ZNF529: variants seen among roughly 807,000 people sequenced by gnomAD.
ZNF529 encodes zinc finger protein 529.
In ZNF529, 11 loss-of-function variants were observed where a neutral mutation model predicts 10.1. That is an observed-to-expected ratio of 1.09 (90% confidence interval 0.69 to 1.81). The LOEUF is 1.81. ZNF529 is among the 40% of genes most tolerant of loss of function. ZNF529 has a pLI of 0.00. For missense variants in ZNF529, 624 were observed against 666.8 expected (o/e 0.94, Z 0.71); for synonymous variants, 204 against 215.7 (o/e 0.95, Z 0.47).
At chr19:36,582,283 A>G (rs878888911) in intron 2 of ZNF529, 11 of 152,320 alleles carry the variant, frequency 7.2e-5, no homozygotes, top group African/African-American at 1.9e-4. Flanking sequence ...TGTATACTCA[A>G]ATAGTTAAGA....
Position 36,546,059 on chromosome 19 carries a change from G to GTATATATATATATATATATATATATATA in ZNF529, c.*806_*807insTATATATATATATATATATATATATATA, listed in dbSNP as rs375987417. The GTATATATATATATATATATATATATATA allele has an allele frequency of 6.4e-5, 8 of 125,326 alleles. 1 individual carries two copies. The highest frequency in any genetic ancestry group is 1.4e-4 in the Non-Finnish European group (8 of 56,430). The allele number at this position is 125,326 out of a possible 1,614,324, so 7.8% of individuals were successfully genotyped here. A position where few individuals can be genotyped will look rare whatever the true frequency, so the allele number is the denominator to read the frequency against. On this transcript the variant is annotated 3_prime_UTR_variant, in exon 5 of 5. Transcript: ENST00000591340. Reference sequence around the variant, plus strand: ...ATATACATATATTGTGTGTGTGTGTGTGTATATATATATATATATATAGTG... The same window carrying GTATATATATATATATATATATATATATA: ...ATATACATATATTGTGTGTGTGTGTGTATATATATATATATATATATATATATATGTATATATATATATATATATAGTG...
intron 2 of ZNF529, among the ~76,000 whole-genome samples, chr19:36,584,001 A>T (rs916228281): frequency 5.3e-5 from 8 of 152,162 alleles, no homozygotes; most frequent in Admixed American, 3.9e-4. Context: ...AATTAAACTC[A>T]ATTTTAAGAT....
At chr19:36,561,694 A>T (rs2035703408) in intron 2 of ZNF529, among the ~76,000 whole-genome samples, 1 of 152,194 alleles carries the variant, frequency 6.6e-6, no homozygotes, top group African/African-American at 2.4e-5. Flanking sequence ...GGCCTGGGAG[A>T]GAGCCAGTGG....
chr19:36,599,012 G>A (rs952340621), intron 1 of ZNF529, among the ~76,000 whole-genome samples: 6 of 152,092 alleles, frequency 3.9e-5, no homozygotes, highest in South Asian at 4.1e-4. Context: ...GAAGTCATTC[G>A]GCTTATAAAC....
chr19:36,593,236 C>T (rs893728810), intron 1 of ZNF529, among the ~76,000 whole-genome samples: 9 of 152,254 alleles, frequency 5.9e-5, no homozygotes, highest in Middle Eastern at 3.4e-3. Context: ...AGTTCAGTGG[C>T]GTGATCACCG....
intron 1 of ZNF529, among the ~76,000 whole-genome samples, chr19:36,597,074 G>A (rs990961246): frequency 6.6e-6 from 1 of 151,994 alleles, no homozygotes; most frequent in Non-Finnish European, 1.5e-5. Context: ...GTCTCACTAT[G>A]TTGCCCAGGC....
intron 1 of ZNF529, chr19:36,604,772 T>C (rs1308157244): frequency 6.6e-6 from 1 of 152,262 alleles, no homozygotes; most frequent in Non-Finnish European, 1.5e-5. Context: ...GACACATTCA[T>C]AGTCACCGCT....
chr19:36,561,602 C>A (rs543290731), intron 2 of ZNF529, among the ~76,000 whole-genome samples: 4 of 152,112 alleles, frequency 2.6e-5, no homozygotes, highest in African/African-American at 9.7e-5. Context: ...GACAGTCCCC[C>A]CTAGGGCATT....
chr19:36,596,985 C>T (rs1369457057), intron 1 of ZNF529, among the ~76,000 whole-genome samples: 4 of 151,848 alleles, frequency 2.6e-5, no homozygotes, highest in South Asian at 2.1e-4. Context: ...GTGATCCTTC[C>T]GCCTCAGCCT....
chr19:36,592,510 C>T (rs956229561), intron 1 of ZNF529, among the ~76,000 whole-genome samples: 2 of 150,574 alleles, frequency 1.3e-5, no homozygotes, highest in East Asian at 3.9e-4. Context: ...AAGAGAATCG[C>T]TTGAACCTGG....
chr19:36,602,380 C>T (rs1480570905), intron 1 of ZNF529, among the ~76,000 whole-genome samples: 2 of 151,816 alleles, frequency 1.3e-5, no homozygotes, highest in African/African-American at 4.8e-5. Context: ...AAATCCAAAA[C>T]TTTATTTATG....
chr19:36,561,960 G>A (rs1320006845), intron 2 of ZNF529, among the ~76,000 whole-genome samples: 1 of 152,222 alleles, frequency 6.6e-6, no homozygotes, highest in African/African-American at 2.4e-5. Context: ...TCCTGGCCGG[G>A]TGCAGTGGCT....
chr19:36,547,044 G>T lies in ZNF529; in HGVS notation c.1514C>A (p.Pro505His). 1 of 1,613,956 alleles carries T rather than the reference G, an allele frequency of 6.2e-7. No individual in the cohort carries two copies. Among genetic ancestry groups the T allele is most frequent in the East Asian group, 2.2e-5 (1 of 44,858 alleles). ...EHQRIHTGEK[P>H]YECKACGKAF... ...CTTCCCACATGCCTTGCATTCATAG[G>T]GTTTTTCTCCAGTATGAATTCTCTG... The change falls in exon 5 of 5, where the codon CCC (proline) becomes CAC (histidine). Residue 505 changes from proline to histidine, a missense_variant. By Grantham distance (77) the Pro-to-His change is moderately conservative (BLOSUM62 -2). Coordinates refer to ENST00000591340, the MANE Select transcript of ZNF529 (RefSeq NM_020951.5).
rs567118907 is a variant in ZNF529, at chr19:36,548,211, C to A, written c.347G>T (p.Gly116Val). The A allele has an allele frequency of 1.5e-5, 25 of 1,613,810 alleles. No individual in the cohort carries two copies. Among genetic ancestry groups the A allele is most frequent in the South Asian group, 6.6e-5 (6 of 91,066 alleles). ...TTGCCAGTCATTTCTGAAAATGGAA[C>A]CTTCAAGGCCACATAACTTGCTACT... ...MESSKLCGLE[G>V]SIFRNDWQSK... Residue 116 changes from glycine (G) to valine (V), a missense_variant, in exon 5 of 5, where the codon GGT (glycine) becomes GTT (valine). Coordinates refer to ENST00000591340, the MANE Select transcript of ZNF529 (RefSeq NM_020951.5).
Position 36,546,901 on chromosome 19 carries a change from G to A in ZNF529, c.1657C>T (p.Pro553Ser), listed in dbSNP as rs879029463. The A allele has an allele frequency of 2.5e-6, 4 of 1,610,364 alleles. No homozygotes were observed. The African/African-American group carries it at 4.0e-5, about 16-fold the overall frequency. The change falls in exon 5 of 5, where the codon CCG becomes TCG. Residue 553 changes from proline (P) to serine (S), a missense_variant. Pro to Ser is a moderately conservative substitution (Grantham distance 74). Transcript: ENST00000591340. ...FSVVGHLTCQ[P>S]KIYTGEKSFD ...GATTTCTCACCAGTGTAAATTTTCG[G>A]TTGGCAAGTAAGATGCCCAACAACA... is the stretch of plus-strand genomic sequence containing the variant.
chr19:36,546,791 T>C lies in ZNF529; in HGVS notation c.*75A>G. On this transcript the variant is annotated 3_prime_UTR_variant, in exon 5 of 5. Transcript: ENST00000591340. ...TAAGAGAGGGAGATACTGAATTGCC[T>C]TGATTACCTATTAAATCCATCCACA... The C allele has an allele frequency of 6.7e-7, 1 of 1,485,488 alleles. No homozygotes were observed. Among genetic ancestry groups the C allele is most frequent in the Non-Finnish European group, 9.1e-7 (1 of 1,104,344 alleles). The allele number at this position is 1,485,488 out of a possible 1,614,324, so 92.0% of individuals were successfully genotyped here. A position where few individuals can be genotyped will look rare whatever the true frequency, so the allele number is the denominator to read the frequency against.
intron 4 of ZNF529, among the ~76,000 whole-genome samples, chr19:36,548,710 C>T (rs937101535): frequency 2.6e-5 from 4 of 152,180 alleles, no homozygotes; most frequent in African/African-American, 9.7e-5. Flanking sequence ...AGGATAATAA[C>T]AAGGTGCAGT....
chr19:36,562,756 G>A (rs1269092611), intron 2 of ZNF529, among the ~76,000 whole-genome samples: 1 of 151,444 alleles, frequency 6.6e-6, no homozygotes, highest in African/African-American at 2.4e-5. Flanking sequence ...AGAATGGCAG[G>A]AACCTGGGAG....
At position 36,546,932 on chromosome 19, in the gene ZNF529, G is replaced by C; in HGVS notation, c.1626C>G (p.Ser542=). 1 of 1,613,592 alleles carries C rather than the reference G, an allele frequency of 6.2e-7. No homozygotes were observed. ...AAGTAAGATGCCCAACAACACTAAA[G>C]GAATTCCCACACTCCTTACATTCAT... The part of the protein sequence containing the change: ...KPYECKECGN[S]FSVVGHLTCQ... Residue 542 remains serine, a synonymous_variant, in exon 5 of 5, where the codon TCC becomes TCG. Transcript: ENST00000591340.
Sources: allele counts gnomAD v4.1 joint callset (sites outside exome capture counted in the v4.1 genomes callset), GRCh38; gene constraint gnomAD v4.1.1; transcripts MANE v1.5; gene names NCBI Gene and HGNC (gene_info 2026-07-23, HGNC 2026-07-21).